The following MYO5B variants were observed in gnomAD, a reference collection of about 807,000 sequenced individuals.
MYO5B encodes myosin VB, also known as unconventional myosin-Vb.
MYO5B carries 143 observed loss-of-function variants against 229.3 expected under a neutral mutation model. The ratio of observed to expected loss-of-function variants is 0.62; its 90% confidence interval spans 0.54 to 0.72. The LOEUF (loss-of-function observed/expected upper bound fraction) is 0.72, where lower values mean the gene tolerates loss of function less well. Ranked by LOEUF, MYO5B falls within the 30% of genes least tolerant of loss-of-function variation. MYO5B has a pLI of 0.00. For missense variants in MYO5B, 2,321 were observed against 2,331.0 expected (o/e 1.00, Z 0.09); for synonymous variants, 918 against 885.2 (o/e 1.04, Z -0.66).
At chr18:49,930,424 T>C (rs1024031730) in intron 16 of MYO5B, among the ~76,000 whole-genome samples, 1 of 152,230 alleles carries the variant, frequency 6.6e-6, no homozygotes, top group Non-Finnish European at 1.5e-5. Context: ...AGTATGTTTT[T>C]AAACATATAT....
At chr18:50,080,856 G>C (rs1422388722) in intron 1 of MYO5B, among the ~76,000 whole-genome samples, 1 of 152,160 alleles carries the variant, frequency 6.6e-6, no homozygotes, top group African/African-American at 2.4e-5. Context: ...CATGCAGCAG[G>C]GAAGAAGGCA....
At chr18:49,946,404 T>C (rs1296195770) in intron 14 of MYO5B, 1 of 152,056 alleles carries the variant, frequency 6.6e-6, no homozygotes, top group Non-Finnish European at 1.5e-5. Flanking sequence ...TTCCTTTGAG[T>C]GTCATATTGG....
rs182689754 is a variant in MYO5B, at chr18:49,965,371, G to A, written c.1323-2341C>T. Among the ~76,000 whole-genome samples the A allele has an allele frequency of 1.1e-4, 16 of 152,086 alleles. No individual in the cohort carries two copies. The East Asian group carries it at 2.9e-3, about 28-fold the overall frequency. ...GCAGCATCAGGCTGAGGGGTGAGAA[G>A]GGCAGAAGCCTATGAAGAAGAGATG... On this transcript the variant is annotated intron_variant, in intron 10 of 39. Coordinates refer to ENST00000285039, the MANE Select transcript of MYO5B (RefSeq NM_001080467.3).
At chr18:50,108,147 A>G (rs2031795773) in intron 1 of MYO5B, among the ~76,000 whole-genome samples, 1 of 152,168 alleles carries the variant, frequency 6.6e-6, no homozygotes, top group Admixed American at 6.5e-5. Context: ...GCTTCAAGAG[A>G]TCTGCCTACC....
At chr18:50,042,483 C>G (rs746454275) in intron 2 of MYO5B, among the ~76,000 whole-genome samples, 28 of 151,878 alleles carry the variant, frequency 1.8e-4, no homozygotes, top group Non-Finnish European at 3.7e-4. Context: ...TTGTGAAAAG[C>G]TTTTTTATTT....
chr18:50,047,752 A>C (rs2030272782), intron 2 of MYO5B, among the ~76,000 whole-genome samples: 1 of 152,138 alleles, frequency 6.6e-6, no homozygotes, highest in Non-Finnish European at 1.5e-5. Flanking sequence ...ATGGAATACT[A>C]TGCAGCCATA....
intron 1 of MYO5B, among the ~76,000 whole-genome samples, chr18:50,142,074 C>T (rs935746774): frequency 3.3e-5 from 5 of 152,194 alleles, no homozygotes; most frequent in Non-Finnish European, 7.3e-5. Context: ...TAGAAGCTAA[C>T]CTAGAAGCCC....
chr18:50,107,586 G>A (rs2031785445), intron 1 of MYO5B, among the ~76,000 whole-genome samples: 1 of 152,124 alleles, frequency 6.6e-6, no homozygotes, highest in African/African-American at 2.4e-5. Context: ...AAGTTGTTAA[G>A]GGACTGGCTC....
chr18:50,074,412 A>T (rs981515910), intron 1 of MYO5B, among the ~76,000 whole-genome samples: 2 of 152,220 alleles, frequency 1.3e-5, no homozygotes, highest in African/African-American at 4.8e-5. Flanking sequence ...GAAAGGGCCC[A>T]TCGGATGTCA....
intron 1 of MYO5B, among the ~76,000 whole-genome samples, chr18:50,094,029 C>T (rs1432990917): frequency 6.6e-6 from 1 of 152,192 alleles, no homozygotes; most frequent in East Asian, 1.9e-4. Flanking sequence ...ACTCTTAATT[C>T]ATTTACTTTA....
chr18:50,190,662 G>C (rs1353417917), intron 1 of MYO5B, among the ~76,000 whole-genome samples: 1 of 152,162 alleles, frequency 6.6e-6, no homozygotes, highest in African/African-American at 2.4e-5. Flanking sequence ...ACTGCCACTT[G>C]AAGGGAACAG....
At chr18:49,971,224 GAATGAGTTTGA>G (rs1380462203) in intron 10 of MYO5B, among the ~76,000 whole-genome samples, 4 of 152,196 alleles carry the variant, frequency 2.6e-5, no homozygotes, top group Non-Finnish European at 5.9e-5. Flanking sequence ...CTAATGACTG[GAATGAGTTTGA>G]ACTGGGAAGG....
At chr18:49,863,440 AAC>A in intron 28 of MYO5B, 113 bp from the exon 29 acceptor site, 1 of 866,026 alleles carries the variant, frequency 1.2e-6, no homozygotes, top group Non-Finnish European at 1.9e-6. Flanking sequence ...GCCTGGAAAG[AAC>A]AGAGATAACC....
chr18:49,869,707 A>G (rs2024436409), intron 27 of MYO5B, among the ~76,000 whole-genome samples: 1 of 152,132 alleles, frequency 6.6e-6, no homozygotes, highest in Non-Finnish European at 1.5e-5. Flanking sequence ...TTTCATGCGT[A>G]GGGTAGTACA....
At chr18:50,055,225 GCCCCACCTCA>G in intron 2 of MYO5B, 33 bp downstream of exon 2, 27 of 700,332 alleles carry the variant, frequency 3.9e-5, no homozygotes, top group East Asian at 1.3e-4. Context: ...TGAGCTCCCT[GCCCCACCTCA>G]CCCCCGCCCC....
chr18:50,193,110 C>A (rs1346850631), intron 1 of MYO5B, among the ~76,000 whole-genome samples: 3 of 152,264 alleles, frequency 2.0e-5, no homozygotes. Context: ...CCCTGCCTCA[C>A]TGGCTTCCAG....
intron 10 of MYO5B, among the ~76,000 whole-genome samples, chr18:49,971,164 G>A (rs1441090350): frequency 6.6e-6 from 1 of 152,154 alleles, no homozygotes; most frequent in African/African-American, 2.4e-5. Flanking sequence ...TGCCACAGAG[G>A]ATGAAAAACT....
Position 50,195,043 on chromosome 18 carries a change from C to A in MYO5B, c.-250G>T, listed in dbSNP as rs1346304854. The A allele has an allele frequency of 5.6e-6, 2 of 357,176 alleles. No individual in the cohort carries two copies. The highest frequency in any genetic ancestry group is 9.8e-5 in the Admixed American group (2 of 20,472). The allele number at this position is 357,176 out of a possible 1,614,324, so 22.1% of individuals were successfully genotyped here. A position where few individuals can be genotyped will look rare whatever the true frequency, so the allele number is the denominator to read the frequency against. On this transcript the variant is annotated 5_prime_UTR_variant, in exon 1 of 40. Coordinates refer to ENST00000285039, the MANE Select transcript of MYO5B (RefSeq NM_001080467.3). Reference sequence around the variant, plus strand: ...AGTTGCGAGCGCCGGGGGAGGAGGCCGCGCCGCACCACTCCCCTCCCAGGT... The same window carrying A: ...AGTTGCGAGCGCCGGGGGAGGAGGCAGCGCCGCACCACTCCCCTCCCAGGT...
chr18:50,186,154 G>C (rs6507968), intron 1 of MYO5B, among the ~76,000 whole-genome samples: 81,225 of 152,110 alleles, frequency 0.53, 21,867 homozygotes, highest in Admixed American at 0.61. Flanking sequence ...TGGAAACCCA[G>C]TGTGTACAGT....
Sources: allele counts gnomAD v4.1 joint callset (sites outside exome capture counted in the v4.1 genomes callset), GRCh38; gene constraint gnomAD v4.1.1; transcripts MANE v1.5; gene names NCBI Gene and HGNC (gene_info 2026-07-23, HGNC 2026-07-21).